The following SNAPC4 variants were observed in gnomAD, a reference collection of about 807,000 sequenced individuals.
SNAPC4 encodes snRNA-activating protein complex subunit 4.
In SNAPC4, 127 loss-of-function variants were observed where a neutral mutation model predicts 151.3. That is an observed-to-expected ratio of 0.84 (90% CI 0.73 to 0.97). SNAPC4 has a LOEUF of 0.97. Among genes scored for constraint, SNAPC4 ranks in the 50% least tolerant of loss-of-function variants. The probability of loss-of-function intolerance (pLI) is 0.00; values close to 1 mark genes in which losing one functional copy is unlikely to be tolerated. For synonymous variants in SNAPC4, 1,002 were observed against 824.4 expected, an observed-to-expected ratio of 1.22 and a Z score of -3.69; for missense variants, 2,186 against 1,935.0, an observed-to-expected ratio of 1.13 and a Z score of -2.43.
At chr9:136,392,150 G>A (rs1382209145) in intron 9 of SNAPC4, 44 bp from the exon 10 acceptor site, 1 of 1,606,240 alleles carries the variant, frequency 6.2e-7, no homozygotes. Flanking sequence ...ACTGACCCCA[G>A]GGGCACCCTA....
intron 17 of SNAPC4, 73 bp downstream of exon 17, chr9:136,382,180 C>CG (rs1833721434): frequency 1.3e-5 from 20 of 1,591,876 alleles, no homozygotes; most frequent in Non-Finnish European, 1.6e-5. Context: ...GCATGATCGA[C>CG]GGGGAGAGGA....
In SNAPC4 at chr9:136,394,829, T is replaced by G. The variant is rs752026950; in HGVS notation, c.521A>C (p.Lys174Thr). The change falls in exon 6 of 24, where the codon AAG (lysine) becomes ACG (threonine). Residue 174 changes from lysine to threonine, a missense_variant. Transcript: ENST00000684778. ...GGTCACAAGGAGCTCCTCGAAAGCC[T>G]TGATCCCCTGGGCAGCCTTCTCTCG... ...DTREKAAQGI[K>T]AFEELLVTKW... 1.2e-6 allele frequency: 2 copies of G among 1,613,938 alleles called. No homozygotes were observed. Among genetic ancestry groups the G allele is most frequent in the Non-Finnish European group, 1.7e-6 (2 of 1,179,994 alleles).
intron 17 of SNAPC4, 56 bp from the exon 18 acceptor site, chr9:136,382,129 A>G (rs1833718864): frequency 6.4e-7 from 1 of 1,564,206 alleles, no homozygotes; most frequent in Non-Finnish European, 8.7e-7. Context: ...CCCGGAGTGG[A>G]CCCTGCCCAG....
intron 10 of SNAPC4, among the ~76,000 whole-genome samples, chr9:136,390,667 G>A (rs950196340): frequency 5.3e-5 from 8 of 149,764 alleles, no homozygotes; most frequent in Non-Finnish European, 8.9e-5. Context: ...CATGGCACAC[G>A]CTCACCTACG....
chr9:136,378,165 G>T lies in SNAPC4; in HGVS notation c.3662C>A (p.Thr1221Lys). Residue 1221 changes from threonine to lysine, a missense_variant, in exon 22 of 24, where the codon ACG becomes AAG. By Grantham distance (78) the Thr-to-Lys change is moderately conservative. Transcript: ENST00000684778. ...CTGTGTCCCTGAGGGGGACCCCGGC[G>T]TCCCCCTTGGCTCAGTTGCTGGGAT... Reference protein sequence around the residue: ...GVIPATEPRGTPGSPSGTQEP... With the variant: ...GVIPATEPRGKPGSPSGTQEP... 1 of 1,611,228 alleles carries T rather than the reference G, an allele frequency of 6.2e-7. No individual in the cohort carries two copies. The highest frequency in any genetic ancestry group is 8.5e-7 in the Non-Finnish European group (1 of 1,179,476).
At position 136,383,578 on chromosome 9, in the gene SNAPC4, T is replaced by G; in HGVS notation, c.1591A>C (p.Ser531Arg). 1 of 1,608,194 alleles carries G rather than the reference T, an allele frequency of 6.2e-7. No homozygotes were observed. The highest frequency in any genetic ancestry group is 8.5e-7 in the Non-Finnish European group (1 of 1,177,188). Residue 531 changes from serine to arginine, a missense_variant, in exon 16 of 24, where the codon AGT (serine) becomes CGT (arginine). Physicochemically the swap from Ser to Arg is moderately radical, Grantham distance 110 (BLOSUM62 -1). Coordinates refer to ENST00000684778, the MANE Select transcript of SNAPC4 (RefSeq NM_003086.4). This position sits in a 1 kb window ranked among gnomAD's most constrained non-coding sequence, Gnocchi z 4.2. ...CTGCTGCTGCTGCTGCTCCCTCCAC[T>G]GCTGCCACTGCTGCTGCCGCTGCTG... ...TSSSGSSSGS[S>R]GGSSSSSSSS...
intron 9 of SNAPC4, 131 bp downstream of exon 9, chr9:136,392,391 G>A (rs1474090235): frequency 4.6e-5 from 43 of 941,354 alleles, no homozygotes; most frequent in East Asian, 3.1e-4. Flanking sequence ...TGCTTGACCC[G>A]GGTGGGTGGG....
At chr9:136,381,766 T>C in intron 18 of SNAPC4, 58 bp downstream of exon 18, 3 of 1,557,526 alleles carry the variant, frequency 1.9e-6, no homozygotes, top group Non-Finnish European at 1.7e-6. Flanking sequence ...AGGCTGGATG[T>C]ACTCTTCATC....
rs1350322036 is a variant in SNAPC4 at position 136,378,609 on chromosome 9, G to A, written c.3218C>T (p.Pro1073Leu). The change falls in exon 22 of 24, where the codon CCC (proline) becomes CTC (leucine). Residue 1073 changes from proline (P) to leucine (L), a missense_variant. Transcript: ENST00000684778. ...TGTGAGCACCCAGGTGACAGGCAGG[G>A]GGACACTGGTCGCCACATGTGGCCC... is the stretch of plus-strand genomic sequence containing the variant. Reference protein sequence around the residue: ...IGGPHVATSVPLPVTWVLTAQ... With the variant: ...IGGPHVATSVLLPVTWVLTAQ... The A allele has an allele frequency of 6.3e-7, 1 of 1,574,806 alleles. No individual in the cohort carries two copies. Among genetic ancestry groups the A allele is most frequent in the Middle Eastern group, 1.8e-4 (1 of 5,642 alleles).
Position 136,384,831 on chromosome 9 carries a change from A to G in SNAPC4, c.1326-17T>C. 1 of 1,487,788 alleles carries G rather than the reference A, an allele frequency of 6.7e-7. No individual in the cohort carries two copies. The highest frequency in any genetic ancestry group is 9.2e-7 in the Non-Finnish European group (1 of 1,086,018). 92.2% of individuals were successfully genotyped at this position (1,487,788 alleles called of 1,614,324 possible). ...CTGAGATACCTGAACGTGACATGAAAAGCAAAGAACGTTTTAGATGCCGAG... is the reference window on the plus strand; with the variant it reads ...CTGAGATACCTGAACGTGACATGAAGAGCAAAGAACGTTTTAGATGCCGAG... On this transcript the variant is annotated splice_polypyrimidine_tract_variant and intron_variant, in intron 13 of 23. Transcript: ENST00000684778.
intron 22 of SNAPC4, among the ~76,000 whole-genome samples, chr9:136,377,110 G>T (rs1389388513): frequency 1.3e-5 from 2 of 152,172 alleles, no homozygotes; most frequent in African/African-American, 4.8e-5. Flanking sequence ...AGAGGTGACA[G>T]CAGAGAGGGA....
intron 13 of SNAPC4, among the ~76,000 whole-genome samples, chr9:136,385,567 GTTTT>G (rs906697354): frequency 2.2e-5 from 2 of 92,100 alleles, no homozygotes; most frequent in African/African-American, 7.3e-5. Flanking sequence ...CCCCCCTTTT[GTTTT>G]TTTTGAGACG....
At chr9:136,386,223 C>T (rs981145635) in intron 13 of SNAPC4, among the ~76,000 whole-genome samples, 2 of 151,866 alleles carry the variant, frequency 1.3e-5, no homozygotes, top group African/African-American at 4.8e-5. Flanking sequence ...ACTCATGGCG[C>T]CAGGCATCTC....
At position 136,396,926 on chromosome 9, in the gene SNAPC4, G is replaced by C. The variant is rs779100555; in HGVS notation, c.177+51C>G. 3 of 1,509,818 alleles carry C rather than the reference G, an allele frequency of 2.0e-6. No individual in the cohort carries two copies. The Admixed American group carries it at 5.0e-5, about 25-fold the overall frequency. 93.5% of individuals were successfully genotyped at this position (1,509,818 alleles called of 1,614,324 possible). A position where few individuals can be genotyped will look rare whatever the true frequency, so the allele number is the denominator to read the frequency against. The stretch of plus-strand genomic sequence containing the variant: ...CGCCCCCTCCCAGGCTACTTTGGAA[G>C]GTGGTGGCAGGCCTGACCCAGTGGC... On this transcript the variant is annotated intron_variant, in intron 3 of 23. Coordinates refer to ENST00000684778, the MANE Select transcript of SNAPC4 (RefSeq NM_003086.4).
rs562450705 is a variant in SNAPC4 at position 136,378,730 on chromosome 9, G to A, written c.3097C>T (p.Arg1033Trp). 2.8e-5 allele frequency: 42 copies of A among 1,509,616 alleles called. No individual in the cohort carries two copies. In the East Asian group the frequency reaches 6.8e-4, roughly 24 times the overall value. The allele number at this position is 1,509,616 out of a possible 1,614,324, so 93.5% of individuals were successfully genotyped here. A position where few individuals can be genotyped will look rare whatever the true frequency, so the allele number is the denominator to read the frequency against. ...GGCGCCTCAGGCAGGCCCTGCTTCC[G>A]GGATGCAGCGGGGGCCTGAGACTGT... is the stretch of plus-strand genomic sequence containing the variant. ...LGQSQAPAAS[R>W]KQGLPEAPPF... The change falls in exon 22 of 24, where the codon CGG (arginine) becomes TGG (tryptophan). Residue 1033 changes from arginine to tryptophan, a missense_variant. Transcript: ENST00000684778.
At position 136,383,333 on chromosome 9, in the gene SNAPC4, C is replaced by T. The variant is rs911768759; in HGVS notation, c.1836G>A (p.Lys612=). The T allele has an allele frequency of 1.2e-5, 19 of 1,610,680 alleles. No homozygotes were observed. The highest frequency in any genetic ancestry group is 1.7e-5 in the Admixed American group (1 of 59,784). ...GAGCCGCGGCTGTGGTGGAAGCTTC[C>T]TTGCTGCCGCCCTGGCTGGCACTGG... ...KGSSASQGGS[K]EASTTAAAPG... The change falls in exon 16 of 24, where the codon AAG becomes AAA. Residue 612 remains lysine, a synonymous_variant. Coordinates refer to ENST00000684778, the MANE Select transcript of SNAPC4 (RefSeq NM_003086.4). This position sits in a 1 kb window ranked among gnomAD's most constrained non-coding sequence, Gnocchi z 4.2.
chr9:136,381,801 C>T (rs201981891), intron 18 of SNAPC4, 23 bp downstream of exon 18: 13 of 1,604,032 alleles, frequency 8.1e-6, no homozygotes, highest in Non-Finnish European at 1.1e-5. Context: ...CCAGGATGCT[C>T]CCAGAGGAGC....
At chr9:136,392,966 G>C (rs374922542) in intron 7 of SNAPC4, among the ~76,000 whole-genome samples, 189 bp from the exon 8 acceptor site, 1 of 152,220 alleles carries the variant, frequency 6.6e-6, no homozygotes, top group Non-Finnish European at 1.5e-5. Flanking sequence ...ACCGGGGTGG[G>C]AAGGGCTGCA....
At position 136,383,857 on chromosome 9, in the gene SNAPC4, G is replaced by T; in HGVS notation, c.1500+96C>A. ...AGAAGAAATGCCAAGACCAGAAACC[G>T]AACGCCCCCCTCCCCTCCCCTCCTC... On this transcript the variant is annotated intron_variant, in intron 15 of 23. Coordinates refer to ENST00000684778, the MANE Select transcript of SNAPC4 (RefSeq NM_003086.4). This position sits in a 1 kb window ranked among gnomAD's most constrained non-coding sequence, Gnocchi z 4.2. 2.3e-6 allele frequency: 3 copies of T among 1,333,256 alleles called. No homozygotes were observed. The highest frequency in any genetic ancestry group is 3.2e-6 in the Non-Finnish European group (3 of 940,386). The allele number at this position is 1,333,256 out of a possible 1,614,324, so 82.6% of individuals were successfully genotyped here.
Sources: gnomAD v4.1 joint callset for allele counts (sites outside exome capture counted in the v4.1 genomes callset) on GRCh38, gnomAD v4.1.1 for gene constraint, Gnocchi (gnomAD v3.1) non-coding constraint, MANE v1.5 for transcripts, NCBI Gene and HGNC (gene_info 2026-07-23, HGNC 2026-07-21) for gene names.